Variants in RUNDC3B observed in about 807,000 individuals in gnomAD.
RUNDC3B encodes the protein RUN domain containing 3B, also known as RUN domain-containing protein 3B.
In RUNDC3B, 33 loss-of-function variants were observed where a neutral mutation model predicts 58.4. That is an observed-to-expected ratio of 0.56 (90% CI 0.43 to 0.75). The LOEUF is 0.75. RUNDC3B is among the 30% of genes least tolerant of loss of function. The pLI is 0.00. For missense variants in RUNDC3B, 501 were observed against 535.7 expected, an observed-to-expected ratio of 0.94 and a Z score of 0.64; for synonymous variants, 193 against 195.2, an observed-to-expected ratio of 0.99 and a Z score of 0.10.
At chr7:87,658,061 T>C (rs910531816) in intron 2 of RUNDC3B, among the ~76,000 whole-genome samples, 1 of 152,182 alleles carries the variant, frequency 6.6e-6, no homozygotes, top group South Asian at 2.1e-4. Context: ...TAATAAAAGA[T>C]AGTCAATAGA....
intron 8 of RUNDC3B, among the ~76,000 whole-genome samples, chr7:87,798,347 C>T (rs1835923057): frequency 6.6e-6 from 1 of 152,188 alleles, no homozygotes; most frequent in Non-Finnish European, 1.5e-5. Context: ...CTGACCTCCC[C>T]ATAGGTCACC....
chr7:87,711,455 C>A (rs1563153915), intron 4 of RUNDC3B, among the ~76,000 whole-genome samples: 2 of 151,816 alleles, frequency 1.3e-5, no homozygotes. Context: ...ACATCCTGTG[C>A]CATGTGAAAA....
chr7:87,632,122 A>G (rs1821284135), intron 1 of RUNDC3B, among the ~76,000 whole-genome samples: 2 of 152,112 alleles, frequency 1.3e-5, no homozygotes, highest in South Asian at 2.1e-4. Context: ...CAAAAAAAAA[A>G]AAAGTCACCA....
chr7:87,735,067 A>G (rs762438942), intron 4 of RUNDC3B, among the ~76,000 whole-genome samples: 28 of 152,082 alleles, frequency 1.8e-4, no homozygotes, highest in Non-Finnish European at 2.9e-4. Context: ...ATGATACCAC[A>G]TTTAAACCTC....
intron 2 of RUNDC3B, among the ~76,000 whole-genome samples, chr7:87,660,996 C>A (rs1262893629): frequency 6.6e-6 from 1 of 151,962 alleles, no homozygotes; most frequent in East Asian, 1.9e-4. Flanking sequence ...AATGTCCCAT[C>A]TTGAGAAGAA....
chr7:87,668,697 A>G (rs1825518947), intron 2 of RUNDC3B, among the ~76,000 whole-genome samples: 1 of 152,104 alleles, frequency 6.6e-6, no homozygotes, highest in Admixed American at 6.5e-5. Flanking sequence ...ATTATTTTCA[A>G]AGAACTTCTT....
chr7:87,773,648 T>C (rs377565748), intron 7 of RUNDC3B, among the ~76,000 whole-genome samples: 1 of 128,628 alleles, frequency 7.8e-6, no homozygotes, highest in Admixed American at 7.7e-5. Context: ...TTGTTTTGTT[T>C]TTGTCTTGTC....
At chr7:87,800,095 G>A (rs1352383229) in intron 8 of RUNDC3B, among the ~76,000 whole-genome samples, 2 of 152,120 alleles carry the variant, frequency 1.3e-5, no homozygotes, top group African/African-American at 4.8e-5. Flanking sequence ...GACCTTTGGA[G>A]TTGCATTGGA....
chr7:87,786,737 A>G (rs1584206742), intron 8 of RUNDC3B, among the ~76,000 whole-genome samples: 1 of 152,178 alleles, frequency 6.6e-6, no homozygotes, highest in Non-Finnish European at 1.5e-5. Context: ...TTAAATTTAA[A>G]TGGATCACAT....
At chr7:87,635,990 G>A (rs1256832093) in intron 1 of RUNDC3B, among the ~76,000 whole-genome samples, 1 of 152,012 alleles carries the variant, frequency 6.6e-6, no homozygotes, top group African/African-American at 2.4e-5. Flanking sequence ...TTTCCATTCT[G>A]TCACTGACTG....
At chr7:87,693,511 T>TC (rs1408323806) in intron 2 of RUNDC3B, among the ~76,000 whole-genome samples, 2 of 152,196 alleles carry the variant, frequency 1.3e-5, no homozygotes, top group Non-Finnish European at 2.9e-5. Context: ...TGATTTTTTT[T>TC]CCTAACCAAT....
chr7:87,631,629 G>A (rs1210721317), intron 1 of RUNDC3B, among the ~76,000 whole-genome samples: 1 of 152,184 alleles, frequency 6.6e-6, no homozygotes, highest in Non-Finnish European at 1.5e-5. Context: ...TGCTGACCTC[G>A]TGATCCGCCC....
intron 1 of RUNDC3B, among the ~76,000 whole-genome samples, chr7:87,646,682 A>G (rs1389757831): frequency 6.6e-6 from 1 of 152,094 alleles, no homozygotes; most frequent in African/African-American, 2.4e-5. Flanking sequence ...TTTTAGAAAC[A>G]TTTCTCATTT....
intron 2 of RUNDC3B, among the ~76,000 whole-genome samples, chr7:87,652,043 T>C (rs1418724791): frequency 6.6e-6 from 1 of 152,132 alleles, no homozygotes; most frequent in Non-Finnish European, 1.5e-5. Flanking sequence ...AAGCAAAGGA[T>C]ATGGTAGTAT....
intron 10 of RUNDC3B, among the ~76,000 whole-genome samples, chr7:87,818,488 T>TA (rs1837203816): frequency 6.6e-6 from 1 of 152,314 alleles, no homozygotes; most frequent in African/African-American, 2.4e-5. Context: ...AATCTGATTT[T>TA]AAAAAACTGA....
intron 7 of RUNDC3B, among the ~76,000 whole-genome samples, chr7:87,772,759 A>G (rs1025931702): frequency 6.6e-6 from 1 of 152,202 alleles, no homozygotes; most frequent in East Asian, 1.9e-4. Context: ...ACATATAACC[A>G]GAAGAGTCAA....
chr7:87,705,980 GTCT>G (rs781193979), intron 3 of RUNDC3B, among the ~76,000 whole-genome samples: 1 of 152,056 alleles, frequency 6.6e-6, no homozygotes, highest in Non-Finnish European at 1.5e-5. Context: ...AGTTCTTCCT[GTCT>G]TCTTGTATAT....
chr7:87,634,651 A>T (rs1185338087), intron 1 of RUNDC3B, among the ~76,000 whole-genome samples: 1 of 152,146 alleles, frequency 6.6e-6, no homozygotes, highest in East Asian at 1.9e-4. Context: ...AAAAAAAAGA[A>T]CTTTAAATCC....
intron 4 of RUNDC3B, among the ~76,000 whole-genome samples, chr7:87,712,672 C>G (rs1384561254): frequency 6.6e-6 from 1 of 151,822 alleles, no homozygotes; most frequent in Admixed American, 6.6e-5. Context: ...TGCTTTCTGC[C>G]TTGTTCTTAA....
Sources: gnomAD v4.1 joint callset for allele counts (sites outside exome capture counted in the v4.1 genomes callset) on GRCh38, gnomAD v4.1.1 for gene constraint, MANE v1.5 for transcripts, NCBI Gene and HGNC (gene_info 2026-07-23, HGNC 2026-07-21) for gene names.